MKLN1: variants seen among roughly 807,000 people sequenced by gnomAD.
MKLN1 encodes muskelin.
In MKLN1, 18 loss-of-function variants were observed where a neutral mutation model predicts 99.0. That is an observed-to-expected ratio of 0.18 (90% CI 0.13 to 0.27). MKLN1 has a LOEUF of 0.27. MKLN1 is among the 10% of genes least tolerant of loss of function. The pLI is 1.00. For synonymous variants in MKLN1, 288 were observed against 293.2 expected (o/e 0.98, Z 0.18); for missense variants, 621 against 875.9 (o/e 0.71, Z 3.67).
chr7:131,217,927 G>A (rs1797007246), intron 3 of MKLN1, among the ~76,000 whole-genome samples: 1 of 152,160 alleles, frequency 6.6e-6, no homozygotes, highest in African/African-American at 2.4e-5. Flanking sequence ...CAAAGAAAGA[G>A]TTTAATAAAT....
rs187861518 is a variant in MKLN1 at position 131,285,351 on chromosome 7, T to C, written c.-179+82377T>C. 8.5e-3 allele frequency among the ~76,000 whole-genome samples: 1,294 copies of C among 152,326 alleles called. 10 individuals are homozygous for C. Among genetic ancestry groups the C allele is most frequent in the Non-Finnish European group, 0.014 (949 of 68,018 alleles). On this transcript the variant is annotated intron_variant, in intron 3 of 7. Transcript: ENST00000416992. ...TTTGCCAAAGATGAACCTCCTGGTG[T>C]GGGGCAATGAGACACGGGATGCGCT... is the stretch of plus-strand genomic sequence containing the variant.
At chr7:131,479,623 G>C (rs1223954235) in intron 17 of MKLN1, among the ~76,000 whole-genome samples, 1 of 151,138 alleles carries the variant, frequency 6.6e-6, no homozygotes, top group Non-Finnish European at 1.5e-5. Flanking sequence ...TCAGGAGATC[G>C]AGACCATCCT....
intron 3 of MKLN1, among the ~76,000 whole-genome samples, chr7:131,278,140 T>G (rs1798001179): frequency 6.6e-6 from 1 of 152,102 alleles, no homozygotes. Flanking sequence ...CCTCCTGGAC[T>G]CAAGCCAATC....
intron 1 of MKLN1, among the ~76,000 whole-genome samples, chr7:131,141,229 C>T (rs557666631): frequency 2.6e-5 from 4 of 152,256 alleles, no homozygotes; most frequent in Admixed American, 6.5e-5. Flanking sequence ...GGATATCCTC[C>T]GATTTCTAGA....
At chr7:131,156,548 A>C (rs1795969914) in intron 2 of MKLN1, among the ~76,000 whole-genome samples, 1 of 151,878 alleles carries the variant, frequency 6.6e-6, no homozygotes, top group Admixed American at 6.6e-5. Context: ...CGATGTGCAG[A>C]TACTACTCTC....
chr7:131,341,299 A>G (rs911845363), intron 1 of MKLN1, among the ~76,000 whole-genome samples: 10 of 152,310 alleles, frequency 6.6e-5, no homozygotes, highest in Non-Finnish European at 1.3e-4. Context: ...TCAATTTTAG[A>G]ACATTTTCAT....
intron 1 of MKLN1, among the ~76,000 whole-genome samples, chr7:131,363,942 A>G (rs1464345928): frequency 1.3e-5 from 2 of 152,082 alleles, no homozygotes; most frequent in Non-Finnish European, 2.9e-5. Context: ...AGCCTATCAC[A>G]TTGTCTAGCA....
intron 1 of MKLN1, among the ~76,000 whole-genome samples, chr7:131,366,916 A>G (rs1800198834): frequency 6.6e-6 from 1 of 152,226 alleles, no homozygotes; most frequent in Non-Finnish European, 1.5e-5. Flanking sequence ...TTGAATTAAA[A>G]CCTAAAATGT....
intron 2 of MKLN1, among the ~76,000 whole-genome samples, chr7:131,162,163 C>T (rs933446872): frequency 6.6e-6 from 1 of 151,846 alleles, no homozygotes; most frequent in African/African-American, 2.4e-5. Context: ...AGCAGTTCTC[C>T]TGCCTCAGCC....
chr7:131,332,725 ACTTC>A (rs1287702379), intron 1 of MKLN1, among the ~76,000 whole-genome samples: 1 of 151,664 alleles, frequency 6.6e-6, no homozygotes, highest in Non-Finnish European at 1.5e-5. Flanking sequence ...TATAGTAAAT[ACTTC>A]CTTATGTTAT....
chr7:131,460,617 T>A (rs1264304561), intron 12 of MKLN1, among the ~76,000 whole-genome samples: 1 of 152,206 alleles, frequency 6.6e-6, no homozygotes, highest in Non-Finnish European at 1.5e-5. Context: ...ACAATCTACT[T>A]CTTCTCTTTG....
intron 12 of MKLN1, among the ~76,000 whole-genome samples, chr7:131,450,829 C>A (rs1584756812): frequency 6.6e-6 from 1 of 152,196 alleles, no homozygotes; most frequent in African/African-American, 2.4e-5. Flanking sequence ...CTCTAGCCAT[C>A]ATTGTTAACG....
intron 16 of MKLN1, among the ~76,000 whole-genome samples, chr7:131,476,264 C>T (rs181071759): frequency 2.0e-4 from 31 of 152,184 alleles, no homozygotes; most frequent in African/African-American, 6.5e-4. Flanking sequence ...TTATTAGCCC[C>T]TCTATTCAAC....
At chr7:131,156,479 A>G (rs1379773000) in intron 2 of MKLN1, among the ~76,000 whole-genome samples, 2 of 148,136 alleles carry the variant, frequency 1.4e-5, no homozygotes. Flanking sequence ...AAGAAAAGTG[A>G]CAGGCATTCA....
chr7:131,222,809 G>A (rs1212497841), intron 3 of MKLN1, among the ~76,000 whole-genome samples: 4 of 147,974 alleles, frequency 2.7e-5, no homozygotes, highest in African/African-American at 5.0e-5. Flanking sequence ...CTGAGGTCAG[G>A]AGTTCAAGAC....
At chr7:131,461,734 T>C (rs1478142468) in intron 12 of MKLN1, among the ~76,000 whole-genome samples, 1 of 152,218 alleles carries the variant, frequency 6.6e-6, no homozygotes, top group Non-Finnish European at 1.5e-5. Flanking sequence ...ATGATAATTG[T>C]TCATGGGTAA....
intron 3 of MKLN1, among the ~76,000 whole-genome samples, chr7:131,214,518 A>G (rs1225013726): frequency 6.6e-6 from 1 of 152,218 alleles, no homozygotes; most frequent in Non-Finnish European, 1.5e-5. Flanking sequence ...GCACACAGAG[A>G]TTAACTAAGC....
intron 1 of MKLN1, among the ~76,000 whole-genome samples, chr7:131,344,707 A>G (rs1799503319): frequency 6.6e-6 from 1 of 152,158 alleles, no homozygotes; most frequent in East Asian, 1.9e-4. Flanking sequence ...CAGTATTGTT[A>G]TTGCTGGTTG....
At chr7:131,368,026 A>C (rs1800232423) in intron 1 of MKLN1, among the ~76,000 whole-genome samples, 1 of 152,202 alleles carries the variant, frequency 6.6e-6, no homozygotes, top group Non-Finnish European at 1.5e-5. Context: ...AGATTGTATA[A>C]GTCTTTGGAA....
Sources: allele counts gnomAD v4.1 joint callset (sites outside exome capture counted in the v4.1 genomes callset), GRCh38; gene constraint gnomAD v4.1.1; transcripts MANE v1.5; gene names NCBI Gene and HGNC (gene_info 2026-07-23, HGNC 2026-07-21).